The following RPS6KA2 variants were observed in gnomAD, a reference collection of about 807,000 sequenced individuals.
RPS6KA2 encodes the protein ribosomal protein S6 kinase alpha-2.
In RPS6KA2, 42 loss-of-function variants were observed where a neutral mutation model predicts 91.8. The observed-to-expected ratio is 0.46, with a 90% CI of 0.36 to 0.59. RPS6KA2 has a LOEUF of 0.59. Ranked by LOEUF, RPS6KA2 falls within the 20% of genes least tolerant of loss-of-function variation. RPS6KA2 has a pLI of 0.00. For synonymous variants in RPS6KA2, 414 were observed against 393.6 expected (o/e 1.05, Z -0.61); for missense variants, 798 against 978.5 (o/e 0.82, Z 2.46).
At position 166,445,314 on chromosome 6, in the gene RPS6KA2, A is replaced by G. The variant is rs114487509; in HGVS notation, c.1332+3410T>C. ...TCCTGTTGCTAAAGGACTCACCAGA[A>G]ACTCAATGAAGAAGAAAAACTCCAT... On this transcript the variant is annotated intron_variant, in intron 14 of 20. Transcript: ENST00000265678. The surrounding 1 kb of genome is among the most constrained non-coding windows in gnomAD (Gnocchi z 4.5). Among the ~76,000 whole-genome samples the G allele has an allele frequency of 2.0e-5, 3 of 152,284 alleles. No individual in the cohort carries two copies. The highest frequency in any genetic ancestry group is 7.2e-5 in the African/African-American group (3 of 41,548).
At chr6:166,633,936 G>A (rs760852890) in intron 2 of RPS6KA2, among the ~76,000 whole-genome samples, 1 of 152,162 alleles carries the variant, frequency 6.6e-6, no homozygotes, top group Admixed American at 6.5e-5. Context: ...AGGACTAGAG[G>A]GACACGGGGA....
intron 1 of RPS6KA2, among the ~76,000 whole-genome samples, chr6:166,561,410 C>T (rs891961643): frequency 1.3e-5 from 2 of 151,988 alleles, no homozygotes; most frequent in East Asian, 1.9e-4. Context: ...GCTCGTTCCC[C>T]GCCAATGGGT....
At position 166,475,414 on chromosome 6, in the gene RPS6KA2, G is replaced by A. The variant is rs1206825206; in HGVS notation, c.908-5509C>T. Reference sequence around the variant, plus strand: ...GCATGGGGACATTGCAGAGTCACACGTGCCCCCAGGTGTGCCATTCTTCCT... The same window carrying A: ...GCATGGGGACATTGCAGAGTCACACATGCCCCCAGGTGTGCCATTCTTCCT... On this transcript the variant is annotated intron_variant, in intron 10 of 20. Coordinates refer to ENST00000265678, the MANE Select transcript of RPS6KA2 (RefSeq NM_021135.6). 2.6e-5 allele frequency among the ~76,000 whole-genome samples: 4 copies of A among 152,266 alleles called. No individual in the cohort carries two copies. The East Asian group carries it at 5.8e-4, about 22-fold the overall frequency.
chr6:166,580,345 C>T (rs1475845117), intron 1 of RPS6KA2, among the ~76,000 whole-genome samples: 1 of 152,234 alleles, frequency 6.6e-6, no homozygotes, highest in East Asian at 1.9e-4. Context: ...GCCATAGTCC[C>T]GTGCATATCC....
At position 166,434,586 on chromosome 6, in the gene RPS6KA2, G is replaced by A. The variant is rs940858170; in HGVS notation, c.1333-2096C>T. Among the ~76,000 whole-genome samples the A allele has an allele frequency of 6.6e-6, 1 of 152,170 alleles. No individual in the cohort carries two copies. The highest frequency in any genetic ancestry group is 2.4e-5 in the African/African-American group (1 of 41,438). ...TGTGGGCATCCCGTCTATCGGGGCCGGGATCCTGTCTTTGCAATTAGAGAA... is the reference window on the plus strand; with the variant it reads ...TGTGGGCATCCCGTCTATCGGGGCCAGGATCCTGTCTTTGCAATTAGAGAA... On this transcript the variant is annotated intron_variant, in intron 14 of 20. Coordinates refer to ENST00000265678, the MANE Select transcript of RPS6KA2 (RefSeq NM_021135.6). The surrounding 1 kb of genome is among the most constrained non-coding windows in gnomAD (Gnocchi z 4.4).
At position 166,490,650 on chromosome 6, in the gene RPS6KA2, G is replaced by A; in HGVS notation, c.818+21C>T. On this transcript the variant is annotated intron_variant, in intron 9 of 20. Coordinates refer to ENST00000265678, the MANE Select transcript of RPS6KA2 (RefSeq NM_021135.6). The surrounding 1 kb of genome is among the most constrained non-coding windows in gnomAD (Gnocchi z 4.2). ...TCAGAAGGTGCTCGCAGGTCTCTGG[G>A]GTGGCTCCCACACTACTCACTTGAG... 2 of 1,577,242 alleles carry A rather than the reference G, an allele frequency of 1.3e-6. No homozygotes were observed. Among genetic ancestry groups the A allele is most frequent in the East Asian group, 2.3e-5 (1 of 44,240 alleles).
chr6:166,545,149 G>A (rs1472223881), intron 1 of RPS6KA2, among the ~76,000 whole-genome samples: 1 of 152,176 alleles, frequency 6.6e-6, no homozygotes, highest in Admixed American at 6.5e-5. Flanking sequence ...TGCTCAGCGA[G>A]ACAAGGTCTC....
rs1780492180 is a variant in RPS6KA2 at position 166,465,669 on chromosome 6, C to T, written c.972+4172G>A. Among the ~76,000 whole-genome samples, 5 of 152,322 alleles carry T rather than the reference C, an allele frequency of 3.3e-5. No individual in the cohort carries two copies. In the South Asian group the frequency reaches 1.0e-3, roughly 32 times the overall value. On this transcript the variant is annotated intron_variant, in intron 11 of 20. Transcript: ENST00000265678. ...CTTCTGCCCCTCTGCTGGTTAATTCCACTCGCCCTCTTTCAGGCATCATTT... is the reference window on the plus strand; with the variant it reads ...CTTCTGCCCCTCTGCTGGTTAATTCTACTCGCCCTCTTTCAGGCATCATTT...
intron 1 of RPS6KA2, 56 bp from the exon 2 acceptor site, chr6:166,538,840 T>A: frequency 1.1e-6 from 1 of 899,780 alleles, no homozygotes; most frequent in South Asian, 1.4e-5. Context: ...TCAGAGCCGC[T>A]CACAGCTTCC....
chr6:166,675,348 C>A (rs1470133798), intron 2 of RPS6KA2, among the ~76,000 whole-genome samples: 2 of 152,214 alleles, frequency 1.3e-5, no homozygotes, highest in Non-Finnish European at 2.9e-5. Flanking sequence ...CACTTTCTCT[C>A]CCTCTCCCCC....
chr6:166,739,619 A>AT (rs1367433535), intron 2 of RPS6KA2, among the ~76,000 whole-genome samples: 1 of 152,196 alleles, frequency 6.6e-6, no homozygotes, highest in Non-Finnish European at 1.5e-5. Flanking sequence ...GTGTCGTGTG[A>AT]TTCAGGAATA....
intron 2 of RPS6KA2, among the ~76,000 whole-genome samples, chr6:166,787,661 A>G (rs542262711): frequency 6.6e-6 from 1 of 152,306 alleles, no homozygotes; most frequent in South Asian, 2.1e-4. Context: ...TACACCTTAT[A>G]TGAAAATTAA....
chr6:166,560,847 C>T (rs1268459301), intron 1 of RPS6KA2, among the ~76,000 whole-genome samples: 1 of 152,176 alleles, frequency 6.6e-6, no homozygotes, highest in Non-Finnish European at 1.5e-5. Context: ...CAAGCATACA[C>T]CAAAAGAAAT....
chr6:166,637,539 A>G (rs1399874574), intron 2 of RPS6KA2, among the ~76,000 whole-genome samples: 2 of 152,246 alleles, frequency 1.3e-5, no homozygotes, highest in Non-Finnish European at 2.9e-5. Flanking sequence ...GCAAGCTCAG[A>G]CTGCAGGCTG....
In RPS6KA2 at chr6:166,493,949, G is replaced by A. The variant is rs754839054; in HGVS notation, c.748-3208C>T. Among the ~76,000 whole-genome samples, 31 of 152,166 alleles carry A rather than the reference G, an allele frequency of 2.0e-4. No homozygotes were observed. Among genetic ancestry groups the A allele is most frequent in the African/African-American group, 6.8e-4 (28 of 41,440 alleles). Reference sequence around the variant, plus strand: ...GGCGGCCCCGGCACAGGCAGGATGCGCCTCATGGAGGCCAGTGGTACTGGG... The same window carrying A: ...GGCGGCCCCGGCACAGGCAGGATGCACCTCATGGAGGCCAGTGGTACTGGG... On this transcript the variant is annotated intron_variant, in intron 8 of 20. Coordinates refer to ENST00000265678, the MANE Select transcript of RPS6KA2 (RefSeq NM_021135.6). This position sits in a 1 kb window ranked among gnomAD's most constrained non-coding sequence, Gnocchi z 4.7.
At chr6:166,859,960 C>T (rs776223496) in intron 1 of RPS6KA2, among the ~76,000 whole-genome samples, 1 of 152,208 alleles carries the variant, frequency 6.6e-6, no homozygotes, top group East Asian at 1.9e-4. Flanking sequence ...GCTCCTCCTG[C>T]AAGGGTTTTA....
chr6:166,744,976 G>C (rs867501988), intron 2 of RPS6KA2, among the ~76,000 whole-genome samples: 1 of 152,074 alleles, frequency 6.6e-6, no homozygotes, highest in Non-Finnish European at 1.5e-5. Flanking sequence ...ACAGAGGCTC[G>C]TGGTTGGAAC....
chr6:166,704,429 G>A (rs1042237218), intron 2 of RPS6KA2, among the ~76,000 whole-genome samples: 1 of 152,222 alleles, frequency 6.6e-6, no homozygotes, highest in Non-Finnish European at 1.5e-5. Context: ...GATAGACTTA[G>A]CGACTGACTA....
At chr6:166,544,524 A>G (rs555235219) in intron 1 of RPS6KA2, 1 of 152,330 alleles carries the variant, frequency 6.6e-6, no homozygotes, top group African/African-American at 2.4e-5. Context: ...AAACGAAATA[A>G]AAATAACTAG....
Sources: gnomAD v4.1 joint callset for allele counts (sites outside exome capture counted in the v4.1 genomes callset) on GRCh38, gnomAD v4.1.1 for gene constraint, Gnocchi (gnomAD v3.1) non-coding constraint, MANE v1.5 for transcripts, NCBI Gene and HGNC (gene_info 2026-07-23, HGNC 2026-07-21) for gene names.